The following SYNE1 variants were observed in gnomAD, a reference collection of about 807,000 sequenced individuals.
The protein encoded by SYNE1 is spectrin repeat containing nuclear envelope protein 1.
In SYNE1, 616 loss-of-function variants were observed where a neutral mutation model predicts 1,111.0. That is an observed-to-expected ratio of 0.55 (90% CI 0.52 to 0.59). The LOEUF (loss-of-function observed/expected upper bound fraction) is 0.59. Among genes scored for constraint, SYNE1 ranks in the 20% least tolerant of loss-of-function variants. The pLI, the probability that SYNE1 is intolerant of heterozygous loss-of-function variation, is 0.00. For synonymous variants in SYNE1, 3,855 were observed against 3,825.8 expected (o/e 1.01, Z -0.28); for missense variants, 10,006 against 10,417.0 (o/e 0.96, Z 1.72).
chr6:152,275,202 C>G (rs984218511), intron 98 of SYNE1, among the ~76,000 whole-genome samples: 1 of 152,056 alleles, frequency 6.6e-6, no homozygotes, highest in Non-Finnish European at 1.5e-5. Context: ...CCACCAAGCC[C>G]TGCCAATGTA....
rs141424852 is a variant in SYNE1 at position 152,465,396 on chromosome 6, T to C, written c.1794A>G (p.Ser598=). 5.0e-5 allele frequency: 81 copies of C among 1,613,818 alleles called. No individual in the cohort carries two copies. The highest frequency in any genetic ancestry group is 6.8e-5 in the Non-Finnish European group (80 of 1,179,818). The change falls in exon 18 of 146, where the codon TCA becomes TCG. Residue 598 remains serine, a synonymous_variant. Coordinates refer to ENST00000367255, the MANE Select transcript of SYNE1 (RefSeq NM_182961.4). ...TGCTCCTCACACTCCTCACTTCTAC[T>C]GAGAGATTCCTCCACTGAGCGGTGG... The part of the protein sequence containing the change: ...NETTAQWRNL[S]VEVRSVRSML...
intron 10 of SYNE1, among the ~76,000 whole-genome samples, chr6:152,501,477 G>C (rs2099029667): frequency 6.6e-6 from 1 of 152,204 alleles, no homozygotes; most frequent in Non-Finnish European, 1.5e-5. Flanking sequence ...GCTCATGCCT[G>C]TGATCCCAGC....
chr6:152,320,642 T>A (rs1228489409), intron 84 of SYNE1, among the ~76,000 whole-genome samples: 1 of 152,198 alleles, frequency 6.6e-6, no homozygotes, highest in African/African-American at 2.4e-5. Context: ...AAAAGGACTA[T>A]GCATTTCTTC....
At chr6:152,483,311 C>T in intron 13 of SYNE1, 62 bp from the exon 14 acceptor site, 16 of 1,426,506 alleles carry the variant, frequency 1.1e-5, no homozygotes, top group Non-Finnish European at 1.6e-5. Flanking sequence ...TATAAAATTG[C>T]ACCCAAATAA....
intron 3 of SYNE1, among the ~76,000 whole-genome samples, chr6:152,581,418 T>A (rs2099518951): frequency 6.6e-6 from 1 of 152,156 alleles, no homozygotes; most frequent in African/African-American, 2.4e-5. Flanking sequence ...AAGAATAATG[T>A]CATTCCAGAA....
chr6:152,433,335 G>A (rs1156328644), intron 34 of SYNE1, among the ~76,000 whole-genome samples: 1 of 152,146 alleles, frequency 6.6e-6, no homozygotes, highest in Non-Finnish European at 1.5e-5. Context: ...TAACCATGGA[G>A]TAGAACTGCT....
At chr6:152,154,320 T>C (rs2060957477) in intron 133 of SYNE1, among the ~76,000 whole-genome samples, 1 of 152,168 alleles carries the variant, frequency 6.6e-6, no homozygotes, top group Admixed American at 6.5e-5. Flanking sequence ...ACTACAGCTA[T>C]TTTCATCTCA....
rs753595713 is a variant in SYNE1 at position 152,148,279 on chromosome 6, G to A, written c.24742C>T (p.Leu8248=). ...LHWHDRSADS[L]LSPQPSSNLS... The stretch of plus-strand genomic sequence containing the variant: ...TTGGAGGAAGGCTGTGGAGAAAGCA[G>A]GCTGTCTGCAGAGCGGTCGTGCCAG... The change falls in exon 137 of 146, where the codon CTG becomes TTG. Residue 8248 remains leucine (L), a synonymous_variant. Transcript: ENST00000367255. The surrounding 1 kb of genome is among the most constrained non-coding windows in gnomAD (Gnocchi z 4.1). The A allele has an allele frequency of 6.8e-6, 11 of 1,613,692 alleles. No individual in the cohort carries two copies. Among genetic ancestry groups the A allele is most frequent in the Non-Finnish European group, 9.3e-6 (11 of 1,179,682 alleles).
At chr6:152,527,626 C>T (rs2099169564) in intron 4 of SYNE1, among the ~76,000 whole-genome samples, 3 of 152,058 alleles carry the variant, frequency 2.0e-5, no homozygotes, top group Admixed American at 1.3e-4. Context: ...ACCACTTGTA[C>T]CCAAATTATT....
intron 12 of SYNE1, among the ~76,000 whole-genome samples, chr6:152,486,124 G>C (rs563585442): frequency 1.3e-5 from 2 of 152,156 alleles, no homozygotes; most frequent in African/African-American, 4.8e-5. Context: ...GAGCCTGGGA[G>C]GCGGAGGTTG....
intron 136 of SYNE1, among the ~76,000 whole-genome samples, chr6:152,149,019 C>T (rs1415685620): frequency 6.6e-6 from 1 of 152,086 alleles, no homozygotes; most frequent in Non-Finnish European, 1.5e-5. Flanking sequence ...TGAAAATTCA[C>T]CTAAACCTAA....
At chr6:152,203,933 T>C (rs2153382384) in intron 126 of SYNE1, among the ~76,000 whole-genome samples, 1 of 152,320 alleles carries the variant, frequency 6.6e-6, no homozygotes, top group Non-Finnish European at 1.5e-5. Context: ...GGGCTACAAT[T>C]AGCTTATCAA....
intron 107 of SYNE1, among the ~76,000 whole-genome samples, chr6:152,240,260 G>A (rs1246589374): frequency 6.6e-6 from 1 of 152,108 alleles, no homozygotes; most frequent in Non-Finnish European, 1.5e-5. Flanking sequence ...TCTTTGCCAG[G>A]ACAGTTGGAG....
chr6:152,139,715 GAAAA>G (rs376263265), intron 140 of SYNE1, among the ~76,000 whole-genome samples: 8 of 34,098 alleles, frequency 2.3e-4, no homozygotes, highest in Non-Finnish European at 4.1e-4. Flanking sequence ...AGAAAAGAAA[GAAAA>G]AGAAAGAAAG....
At chr6:152,462,589 T>C in intron 20 of SYNE1, 149 bp downstream of exon 20, 4 of 806,350 alleles carry the variant, frequency 5.0e-6, no homozygotes, top group Admixed American at 2.3e-5. Flanking sequence ...AATACATTTT[T>C]TTCTGACAGG....
At chr6:152,507,001 C>T (rs1171020041) in intron 8 of SYNE1, among the ~76,000 whole-genome samples, 1 of 152,064 alleles carries the variant, frequency 6.6e-6, no homozygotes, top group African/African-American at 2.4e-5. Context: ...CAATAAATAT[C>T]CTAAAAACAA....
At chr6:152,195,662 C>A (rs533364422) in intron 127 of SYNE1, among the ~76,000 whole-genome samples, 48 of 152,328 alleles carry the variant, frequency 3.2e-4, no homozygotes, top group Admixed American at 2.4e-3. Flanking sequence ...CAAACAGCGT[C>A]TCTTTCTCTG....
intron 3 of SYNE1, among the ~76,000 whole-genome samples, chr6:152,609,619 G>C (rs114785114): frequency 0.079 from 12,029 of 152,186 alleles, 806 homozygotes; most frequent in African/African-American, 0.17. Flanking sequence ...AGACAGCGGT[G>C]GTTCTCCCAG....
chr6:152,350,856 G>A (rs1458888856), intron 70 of SYNE1, 86 bp from the exon 71 acceptor site: 7 of 1,470,084 alleles, frequency 4.8e-6, no homozygotes, highest in Non-Finnish European at 5.7e-6. Context: ...TGCAAGAGAT[G>A]ATCTACCTCA....
Sources: gnomAD v4.1 joint callset for allele counts (sites outside exome capture counted in the v4.1 genomes callset) on GRCh38, gnomAD v4.1.1 for gene constraint, Gnocchi (gnomAD v3.1) non-coding constraint, MANE v1.5 for transcripts, NCBI Gene and HGNC (gene_info 2026-07-23, HGNC 2026-07-21) for gene names.